Variants in NBEA observed in about 807,000 individuals in gnomAD.
NBEA encodes neurobeachin.
NBEA carries 44 observed loss-of-function variants against 343.4 expected under a neutral mutation model. The ratio of observed to expected loss-of-function variants is 0.13; its 90% confidence interval spans 0.10 to 0.16. The LOEUF (loss-of-function observed/expected upper bound fraction) is 0.16. Ranked by LOEUF, NBEA falls within the 10% of genes least tolerant of loss-of-function variation. The probability of loss-of-function intolerance (pLI) is 1.00; values close to 1 mark genes in which losing one functional copy is unlikely to be tolerated. For synonymous variants in NBEA, 1,175 were observed against 1,238.7 expected (o/e 0.95, Z 1.08); for missense variants, 2,555 against 3,631.3 (o/e 0.70, Z 7.62).
intron 20 of NBEA, 93 bp downstream of exon 20, chr13:35,156,299 T>C: frequency 4.0e-6 from 5 of 1,261,300 alleles, no homozygotes; most frequent in South Asian, 1.6e-5. Flanking sequence ...TTTTCCATAT[T>C]GCTAAATACT....
intron 35 of NBEA, among the ~76,000 whole-genome samples, chr13:35,297,370 T>C (rs1247103110): frequency 1.3e-5 from 2 of 152,074 alleles, no homozygotes; most frequent in African/African-American, 2.4e-5. Flanking sequence ...GATGCTCTTA[T>C]ATGTGATTAA....
At chr13:35,108,394 A>G (rs1337562576) in intron 11 of NBEA, among the ~76,000 whole-genome samples, 1 of 151,996 alleles carries the variant, frequency 6.6e-6, no homozygotes, top group Non-Finnish European at 1.5e-5. Context: ...GTATTCTAGT[A>G]TAGCATTGTC....
chr13:35,638,208 A>T (rs1482676123), intron 49 of NBEA, among the ~76,000 whole-genome samples: 1 of 152,240 alleles, frequency 6.6e-6, no homozygotes. Flanking sequence ...GAATGTACTT[A>T]ACACTACTGA....
At chr13:35,333,178 GA>G (rs1447000997) in intron 36 of NBEA, among the ~76,000 whole-genome samples, 1 of 151,798 alleles carries the variant, frequency 6.6e-6, no homozygotes, top group Non-Finnish European at 1.5e-5. Flanking sequence ...CATCAAGGGG[GA>G]AAAAAGATTT....
chr13:35,031,805 C>A (rs2062232231), intron 1 of NBEA, among the ~76,000 whole-genome samples: 1 of 151,710 alleles, frequency 6.6e-6, no homozygotes, highest in Non-Finnish European at 1.5e-5. Flanking sequence ...CTCCCACCCT[C>A]CACCTTCAAA....
At chr13:35,038,922 C>A (rs754235625) in intron 1 of NBEA, among the ~76,000 whole-genome samples, 32 of 152,210 alleles carry the variant, frequency 2.1e-4, no homozygotes, top group Admixed American at 3.9e-4. Flanking sequence ...GGGCCTAGTT[C>A]AGCACTAGGA....
intron 41 of NBEA, among the ~76,000 whole-genome samples, chr13:35,499,035 T>C (rs549067963): frequency 6.6e-6 from 1 of 152,260 alleles, no homozygotes; most frequent in East Asian, 1.9e-4. Flanking sequence ...AAGTTAATTA[T>C]AATCACTTTA....
chr13:35,234,777 T>A (rs2075146056), intron 34 of NBEA, among the ~76,000 whole-genome samples: 1 of 152,188 alleles, frequency 6.6e-6, no homozygotes, highest in East Asian at 1.9e-4. Context: ...CCAGACATAG[T>A]TGAAGTTACC....
chr13:35,517,733 C>G (rs999534318), intron 41 of NBEA, among the ~76,000 whole-genome samples: 6 of 152,086 alleles, frequency 3.9e-5, no homozygotes, highest in African/African-American at 1.4e-4. Context: ...TCAATTTGTA[C>G]CTTCTACTAT....
intron 46 of NBEA, among the ~76,000 whole-genome samples, chr13:35,589,605 A>G (rs1297470362): frequency 6.6e-6 from 1 of 152,170 alleles, no homozygotes; most frequent in Non-Finnish European, 1.5e-5. Context: ...GTAAAAGATT[A>G]TTATGAGATG....
intron 1 of NBEA, among the ~76,000 whole-genome samples, chr13:34,967,667 AT>A (rs1011263098): frequency 2.6e-5 from 4 of 152,048 alleles, no homozygotes; most frequent in African/African-American, 9.7e-5. Context: ...GTAAGCAAAC[AT>A]TTTCTATAAG....
At chr13:35,115,455 T>C (rs1429096455) in intron 13 of NBEA, among the ~76,000 whole-genome samples, 1 of 152,128 alleles carries the variant, frequency 6.6e-6, no homozygotes, top group Non-Finnish European at 1.5e-5. Context: ...CTCCCTGTCA[T>C]AGAAATAACT....
intron 1 of NBEA, among the ~76,000 whole-genome samples, chr13:35,021,413 T>A (rs557787618): frequency 6.6e-6 from 1 of 152,358 alleles, no homozygotes; most frequent in East Asian, 1.9e-4. Context: ...TACATTCTTG[T>A]AATCTCTGCC....
At chr13:35,199,088 A>C (rs956857511) in intron 31 of NBEA, among the ~76,000 whole-genome samples, 1 of 152,112 alleles carries the variant, frequency 6.6e-6, no homozygotes, top group Non-Finnish European at 1.5e-5. Flanking sequence ...GAGAGTGACA[A>C]CATCAAAAAT....
At chr13:34,985,561 G>A (rs2060514834) in intron 1 of NBEA, among the ~76,000 whole-genome samples, 1 of 150,980 alleles carries the variant, frequency 6.6e-6, no homozygotes, top group African/African-American at 2.4e-5. Context: ...CATAAAATAA[G>A]TTAGGGAGGA....
chr13:35,476,145 G>T (rs2075853634), intron 41 of NBEA: 1 of 1,613,826 alleles, frequency 6.2e-7, no homozygotes. Context: ...TCATGTTGGG[G>T]CAGAGATCCG....
intron 41 of NBEA, among the ~76,000 whole-genome samples, chr13:35,480,075 G>T: frequency 9.5e-6 from 1 of 105,644 alleles, no homozygotes; most frequent in Non-Finnish European, 2.1e-5. Context: ...AAAAAAAAAA[G>T]CAATAAGGAC....
chr13:35,312,195 G>A (rs889242749), intron 36 of NBEA, among the ~76,000 whole-genome samples: 1 of 152,182 alleles, frequency 6.6e-6, no homozygotes, highest in Non-Finnish European at 1.5e-5. Context: ...TGTGATAAAA[G>A]AGGTATAGGT....
chr13:35,505,957 T>A (rs2077059073), intron 41 of NBEA, among the ~76,000 whole-genome samples: 1 of 152,238 alleles, frequency 6.6e-6, no homozygotes, highest in Non-Finnish European at 1.5e-5. Context: ...CAAATTTAAA[T>A]AACTGATAGG....
Sources: gnomAD v4.1 joint callset for allele counts (sites outside exome capture counted in the v4.1 genomes callset) on GRCh38, gnomAD v4.1.1 for gene constraint, MANE v1.5 for transcripts, NCBI Gene and HGNC (gene_info 2026-07-23, HGNC 2026-07-21) for gene names.